TMEM156: variants seen among roughly 807,000 people sequenced by gnomAD.
The protein encoded by TMEM156 is transmembrane protein 156.
Under a neutral mutation model 30.5 loss-of-function variants are expected in TMEM156, and 28 were observed. The ratio of observed to expected loss-of-function variants is 0.92; its 90% CI spans 0.68 to 1.26. The LOEUF is 1.26. Ranked by LOEUF, TMEM156 falls within the 50% of genes most tolerant of loss-of-function variation. TMEM156 has a pLI of 0.00. For synonymous variants in TMEM156, 137 were observed against 119.9 expected (o/e 1.14, Z -0.93); for missense variants, 351 against 340.6 (o/e 1.03, Z -0.24).
intron 1 of TMEM156, among the ~76,000 whole-genome samples, chr4:39,020,797 C>A (rs772488932): frequency 6.6e-6 from 1 of 152,118 alleles, no homozygotes; most frequent in Non-Finnish European, 1.5e-5. Flanking sequence ...ATCTGCCCAC[C>A]TCAGCCTCCC....
intron 1 of TMEM156, among the ~76,000 whole-genome samples, chr4:39,019,264 T>C (rs1018234393): frequency 5.3e-5 from 8 of 152,224 alleles, no homozygotes; most frequent in Non-Finnish European, 1.2e-4. Flanking sequence ...TCTTAACTTC[T>C]GTGCTATGTT....
intron 1 of TMEM156, among the ~76,000 whole-genome samples, chr4:39,026,746 G>A (rs1291334895): frequency 1.1e-4 from 16 of 151,896 alleles, no homozygotes; most frequent in Non-Finnish European, 2.4e-4. Context: ...GGCCAACATA[G>A]CAAAGCCCCA....
intron 5 of TMEM156, among the ~76,000 whole-genome samples, chr4:38,984,929 C>A (rs1359142842): frequency 6.6e-6 from 1 of 152,156 alleles, no homozygotes; most frequent in Non-Finnish European, 1.5e-5. Flanking sequence ...ATAAATACAA[C>A]TTTGCGAGGT....
rs1226345739 is a variant in TMEM156 at position 39,032,399 on chromosome 4, T to C, written c.-86A>G. On this transcript the variant is annotated 5_prime_UTR_variant, in exon 1 of 7. Transcript: ENST00000381938. ...CTTTAAGTTTATCTCTGCAGCACTT[T>C]AGGTTAATGCAGTTCACCTCATACT... The C allele has an allele frequency of 1.3e-6, 1 of 775,354 alleles. No individual in the cohort carries two copies. The highest frequency in any genetic ancestry group is 2.2e-6 in the Non-Finnish European group (1 of 460,258). 48.0% of individuals were successfully genotyped at this position (775,354 alleles called of 1,614,324 possible).
chr4:39,004,933 T>A (rs1405041015), intron 1 of TMEM156, among the ~76,000 whole-genome samples: 2 of 152,218 alleles, frequency 1.3e-5, no homozygotes, highest in African/African-American at 4.8e-5. Context: ...TACGTGAATT[T>A]TTATAGCAGC....
At chr4:38,985,650 G>A (rs559981283) in intron 5 of TMEM156, among the ~76,000 whole-genome samples, 5 of 152,262 alleles carry the variant, frequency 3.3e-5, no homozygotes, top group Admixed American at 6.5e-5. Context: ...CTGTGTACAA[G>A]GAGCTTTGGT....
chr4:38,975,023 A>T (rs1722780600), intron 5 of TMEM156, among the ~76,000 whole-genome samples: 2 of 152,106 alleles, frequency 1.3e-5, no homozygotes, highest in Admixed American at 1.3e-4. Flanking sequence ...GGCAGGAATA[A>T]ATAGGCCATT....
At position 38,993,834 on chromosome 4, in the gene TMEM156, G is replaced by C. The variant is rs781552948; in HGVS notation, c.523C>G (p.Pro175Ala). Residue 175 changes from proline (P) to alanine (A), a missense_variant, in exon 3 of 7, where the codon CCA becomes GCA. Pro to Ala is a conservative substitution (Grantham distance 27, BLOSUM62 -1). Transcript: ENST00000381938. Reference sequence around the variant, plus strand: ...TAGTTTATCGATTTCTCCTTGCTTGGCTCATCCTCCATGATTGTTGATCTT... The same window carrying C: ...TAGTTTATCGATTTCTCCTTGCTTGCCTCATCCTCCATGATTGTTGATCTT... ...TGRSTIMEDE[P>A]SKEKSINYTC... The C allele has an allele frequency of 4.3e-6, 7 of 1,613,902 alleles. No individual in the cohort carries two copies. The South Asian group carries it at 7.7e-5, about 18-fold the overall frequency.
intron 5 of TMEM156, 131 bp from the exon 6 acceptor site, chr4:38,971,268 C>T: frequency 1.3e-6 from 1 of 757,878 alleles, no homozygotes; most frequent in Non-Finnish European, 2.1e-6. Flanking sequence ...ACTTTCTACC[C>T]TCACTAATTT....
intron 1 of TMEM156, among the ~76,000 whole-genome samples, chr4:39,024,738 G>A (rs1715090381): frequency 6.6e-6 from 1 of 152,180 alleles, no homozygotes; most frequent in Admixed American, 6.5e-5. Flanking sequence ...ATACCTAGAT[G>A]ATGAAATCAT....
chr4:38,972,650 C>CA (rs141897746), intron 5 of TMEM156, among the ~76,000 whole-genome samples: 2,481 of 151,762 alleles, frequency 0.016, 27 homozygotes, highest in East Asian at 0.06. Context: ...TAGGCTCACA[C>CA]CAAAAAACTG....
At chr4:39,023,323 TCCACAA>T (rs1714989880) in intron 1 of TMEM156, among the ~76,000 whole-genome samples, 1 of 152,174 alleles carries the variant, frequency 6.6e-6, no homozygotes, top group Non-Finnish European at 1.5e-5. Context: ...ACCCAGGTAT[TCCACAA>T]CTAGAGCATT....
intron 5 of TMEM156, 67 bp downstream of exon 5, chr4:38,986,269 G>A: frequency 9.3e-7 from 1 of 1,072,968 alleles, no homozygotes. Context: ...TGAGTTTACT[G>A]TGTAGTGAAA....
chr4:39,014,120 T>C (rs1013130219), intron 1 of TMEM156, among the ~76,000 whole-genome samples: 1 of 152,196 alleles, frequency 6.6e-6, no homozygotes, highest in African/African-American at 2.4e-5. Flanking sequence ...AAATATTCTT[T>C]ATTTCCCAAC....
intron 1 of TMEM156, among the ~76,000 whole-genome samples, chr4:39,025,718 T>C (rs78544453): frequency 0.015 from 2,241 of 152,268 alleles, 57 homozygotes; most frequent in African/African-American, 0.051. Context: ...ATGAATATTA[T>C]GAAATTCCCT....
At chr4:38,974,582 T>G (rs890310651) in intron 5 of TMEM156, among the ~76,000 whole-genome samples, 4 of 152,182 alleles carry the variant, frequency 2.6e-5, no homozygotes, top group African/African-American at 9.7e-5. Flanking sequence ...TCCATGACAA[T>G]TTAGATTTTC....
At chr4:38,971,422 T>G (rs544399272) in intron 5 of TMEM156, among the ~76,000 whole-genome samples, 22 of 152,332 alleles carry the variant, frequency 1.4e-4, no homozygotes, top group African/African-American at 5.1e-4. Flanking sequence ...GCAAAGAATC[T>G]TAGTTTGGAA....
At chr4:39,003,333 ATTTAT>A (rs933784619) in intron 1 of TMEM156, among the ~76,000 whole-genome samples, 2 of 151,944 alleles carry the variant, frequency 1.3e-5, no homozygotes, top group Non-Finnish European at 2.9e-5. Flanking sequence ...TAATATATTT[ATTTAT>A]TTTATTTTAT....
At chr4:39,008,530 T>C (rs1360835596) in intron 1 of TMEM156, among the ~76,000 whole-genome samples, 1 of 152,190 alleles carries the variant, frequency 6.6e-6, no homozygotes, top group Non-Finnish European at 1.5e-5. Flanking sequence ...AAGTTCTATG[T>C]CTATATTTAT....
Sources: gnomAD v4.1 joint callset for allele counts (sites outside exome capture counted in the v4.1 genomes callset) on GRCh38, gnomAD v4.1.1 for gene constraint, MANE v1.5 for transcripts, NCBI Gene and HGNC (gene_info 2026-07-23, HGNC 2026-07-21) for gene names.